Variants in SORCS1 observed in about 807,000 individuals in gnomAD.
SORCS1 encodes the protein VPS10 domain-containing receptor SorCS1.
SORCS1 carries 60 observed loss-of-function variants against 146.1 expected under a neutral mutation model. The ratio of observed to expected loss-of-function variants is 0.41; its 90% CI spans 0.33 to 0.51. The LOEUF is 0.51. Among genes scored for constraint, SORCS1 ranks in the 20% least tolerant of loss-of-function variants. The pLI, the probability that SORCS1 is intolerant of heterozygous loss-of-function variation, is 0.21. For missense variants in SORCS1, 1,352 were observed against 1,487.6 expected, an observed-to-expected ratio of 0.91 and a Z score of 1.50; for synonymous variants, 637 against 584.0, an observed-to-expected ratio of 1.09 and a Z score of -1.31.
At chr10:107,037,436 T>A (rs1202286769) in intron 1 of SORCS1, among the ~76,000 whole-genome samples, 1 of 152,210 alleles carries the variant, frequency 6.6e-6, no homozygotes, top group Non-Finnish European at 1.5e-5. Flanking sequence ...ACAGCCCTGA[T>A]AGCTTAATAA....
chr10:107,035,603 G>A (rs2133958726), intron 1 of SORCS1, among the ~76,000 whole-genome samples: 1 of 152,234 alleles, frequency 6.6e-6, no homozygotes, highest in South Asian at 2.1e-4. Flanking sequence ...TACAGATGAG[G>A]CATAGGGCTC....
intron 1 of SORCS1, chr10:106,970,235 C>A (rs1401331352): frequency 6.6e-6 from 1 of 151,940 alleles, no homozygotes; most frequent in South Asian, 2.1e-4. Context: ...TCAGTGTTGC[C>A]AGTCTTAGTA....
intron 17 of SORCS1, among the ~76,000 whole-genome samples, chr10:106,661,696 T>G (rs1022608899): frequency 6.6e-6 from 1 of 152,220 alleles, no homozygotes; most frequent in Non-Finnish European, 1.5e-5. Context: ...GTTAAGGAAC[T>G]AAGGTCAAGG....
chr10:107,033,352 C>T (rs1053550501), intron 1 of SORCS1, among the ~76,000 whole-genome samples: 1 of 152,034 alleles, frequency 6.6e-6, no homozygotes, highest in African/African-American at 2.4e-5. Flanking sequence ...TGAGTGGGGA[C>T]GTAGAGCCAA....
chr10:106,780,868 C>A (rs1378235124), intron 3 of SORCS1, among the ~76,000 whole-genome samples: 2 of 152,134 alleles, frequency 1.3e-5, no homozygotes, highest in Non-Finnish European at 2.9e-5. Flanking sequence ...CAACTCCAAG[C>A]AATCATTCAT....
chr10:106,661,140 T>C (rs145368793), intron 17 of SORCS1, among the ~76,000 whole-genome samples: 4,007 of 152,312 alleles, frequency 0.026, 91 homozygotes, highest in Non-Finnish European at 0.042. Context: ...TGAATGAGCT[T>C]GTGCTTGTGG....
At chr10:106,904,002 T>C (rs775095212) in intron 2 of SORCS1, among the ~76,000 whole-genome samples, 4 of 152,204 alleles carry the variant, frequency 2.6e-5, no homozygotes, top group South Asian at 2.1e-4. Context: ...ATCAGAACTC[T>C]TATCTCTTGA....
chr10:106,695,239 T>C (rs1853608138), intron 9 of SORCS1, among the ~76,000 whole-genome samples: 1 of 152,204 alleles, frequency 6.6e-6, no homozygotes, highest in Non-Finnish European at 1.5e-5. Flanking sequence ...ACTAAGGACT[T>C]GGTACTAAAG....
chr10:107,123,352 A>G (rs1036377010), intron 1 of SORCS1, among the ~76,000 whole-genome samples: 1 of 152,220 alleles, frequency 6.6e-6, no homozygotes, highest in Non-Finnish European at 1.5e-5. Context: ...TAAACAGTAA[A>G]AGAAACTAAA....
chr10:106,733,005 G>A (rs546944609), intron 5 of SORCS1, among the ~76,000 whole-genome samples: 12 of 151,852 alleles, frequency 7.9e-5, no homozygotes, highest in Admixed American at 7.2e-4. Flanking sequence ...TGTTTCGGGA[G>A]GCTGAGTCAG....
intron 19 of SORCS1, among the ~76,000 whole-genome samples, chr10:106,622,769 C>T (rs1564789032): frequency 6.6e-6 from 1 of 152,288 alleles, no homozygotes; most frequent in East Asian, 1.9e-4. Flanking sequence ...AATATCCTCC[C>T]CGTTTAGAGA....
the SORCS1 span, among the ~76,000 whole-genome samples, chr10:107,175,250 G>C: frequency 2.6e-5 from 4 of 152,052 alleles, no homozygotes. Flanking sequence ...TTGAAATCAA[G>C]GTTAAAGTGG....
chr10:106,665,161 G>GA (rs1851034046), intron 17 of SORCS1, among the ~76,000 whole-genome samples: 1 of 152,000 alleles, frequency 6.6e-6, no homozygotes, highest in Non-Finnish European at 1.5e-5. Flanking sequence ...TCCTTGAAAA[G>GA]AATAGTATCT....
chr10:106,763,567 G>A (rs1859314093), intron 4 of SORCS1, among the ~76,000 whole-genome samples: 3 of 152,080 alleles, frequency 2.0e-5, no homozygotes, highest in African/African-American at 2.4e-5. Flanking sequence ...TCTCACACAT[G>A]CCCTGCTACG....
rs1478364760 is a variant in SORCS1 at position 106,576,016 on chromosome 10, AC to A, written c.*1403del. The A allele has an allele frequency of 4.6e-5, 7 of 152,462 alleles. No individual in the cohort carries two copies. The highest frequency in any genetic ancestry group is 1.7e-4 in the African/African-American group (7 of 41,476). 9.4% of individuals were successfully genotyped at this position (152,462 alleles called of 1,614,324 possible). ...GAGATTTTCGTTAAGGTGTGAGAAC[AC>A]CACAATTCATCTCTATGCTTTCTTT... On this transcript the variant is annotated 3_prime_UTR_variant, in exon 26 of 26. Coordinates refer to ENST00000263054, the MANE Select transcript of SORCS1 (RefSeq NM_052918.5).
intron 1 of SORCS1, among the ~76,000 whole-genome samples, chr10:107,008,338 G>A (rs1490233423): frequency 6.6e-6 from 1 of 152,138 alleles, no homozygotes; most frequent in Non-Finnish European, 1.5e-5. Flanking sequence ...AAGTCACAAG[G>A]TCATTTTTAT....
At chr10:107,075,718 C>G (rs1237004984) in intron 1 of SORCS1, among the ~76,000 whole-genome samples, 2 of 152,018 alleles carry the variant, frequency 1.3e-5, no homozygotes, top group Non-Finnish European at 2.9e-5. Flanking sequence ...TGGGTAGCAA[C>G]TTTTGCAGTA....
intron 1 of SORCS1, among the ~76,000 whole-genome samples, chr10:107,143,876 T>A (rs1326517586): frequency 6.6e-6 from 1 of 151,596 alleles, no homozygotes; most frequent in East Asian, 1.9e-4. Flanking sequence ...AGCAATCCAC[T>A]CACCTCAGCC....
intron 10 of SORCS1, among the ~76,000 whole-genome samples, chr10:106,682,521 T>C (rs534858630): frequency 6.6e-6 from 1 of 152,244 alleles, no homozygotes; most frequent in Non-Finnish European, 1.5e-5. Flanking sequence ...CTGACCAGTT[T>C]TGGACATTTG....
Sources: gnomAD v4.1 joint callset for allele counts (sites outside exome capture counted in the v4.1 genomes callset) on GRCh38, gnomAD v4.1.1 for gene constraint, MANE v1.5 for transcripts, NCBI Gene and HGNC (gene_info 2026-07-23, HGNC 2026-07-21) for gene names.